The following KAT6B variants were observed in gnomAD, a reference collection of about 807,000 sequenced individuals.
KAT6B encodes histone acetyltransferase KAT6B.
KAT6B carries 10 observed loss-of-function variants against 187.5 expected under a neutral mutation model. The ratio of observed to expected loss-of-function variants is 0.05; its 90% CI spans 0.03 to 0.09. The LOEUF is 0.09. Among genes scored for constraint, KAT6B ranks in the 10% least tolerant of loss-of-function variants. The pLI, the probability that KAT6B is intolerant of heterozygous loss-of-function variation, is 1.00. For missense variants in KAT6B, 1,952 were observed against 2,558.9 expected, an observed-to-expected ratio of 0.76 and a Z score of 5.12; for synonymous variants, 861 against 926.8, an observed-to-expected ratio of 0.93 and a Z score of 1.29.
At chr10:74,897,208 T>C (rs1405487349) in intron 3 of KAT6B, among the ~76,000 whole-genome samples, 1 of 152,170 alleles carries the variant, frequency 6.6e-6, no homozygotes, top group Non-Finnish European at 1.5e-5. Flanking sequence ...AAGTTTTTAT[T>C]ATAATCCTGA....
rs549588406 is a variant in KAT6B, at chr10:74,914,816, T to C, written c.622-45154T>C. Among the ~76,000 whole-genome samples, 52 of 152,196 alleles carry C rather than the reference T, an allele frequency of 3.4e-4. 1 individual carries two copies. In the South Asian group the frequency reaches 0.011, roughly 31 times the overall value. On this transcript the variant is annotated intron_variant, in intron 3 of 17. Coordinates refer to ENST00000287239, the MANE Select transcript of KAT6B (RefSeq NM_012330.4). ...TAAAAATCCCAGCTTTTTGGCTGGG[T>C]GCGGTGGCTTCATGCCTGTGATCCT...
chr10:74,855,593 G>C (rs910020713), intron 3 of KAT6B, among the ~76,000 whole-genome samples: 2 of 152,188 alleles, frequency 1.3e-5, no homozygotes, highest in Non-Finnish European at 2.9e-5. Flanking sequence ...GCAGAAAACA[G>C]GATCTGCTAG....
chr10:75,030,286 A>G lies in KAT6B; in HGVS notation c.5462A>G (p.Gln1821Arg). Residue 1821 changes from glutamine (Q) to arginine (R), a missense_variant, in exon 18 of 18, where the codon CAG becomes CGG. Coordinates refer to ENST00000287239, the MANE Select transcript of KAT6B (RefSeq NM_012330.4). This position sits in a 1 kb window ranked among gnomAD's most constrained non-coding sequence, Gnocchi z 4.8. ...GCCACCTTCAGCCTTGCCAAACTGC[A>G]GCAGTTAACTAATACACTTATTGAT... Reference protein sequence around the residue: ...PSATFSLAKLQQLTNTLIDHS... With the variant: ...PSATFSLAKLRQLTNTLIDHS... 1 of 1,614,254 alleles carries G rather than the reference A, an allele frequency of 6.2e-7. No homozygotes were observed. The highest frequency in any genetic ancestry group is 8.5e-7 in the Non-Finnish European group (1 of 1,180,036).
chr10:74,981,185 T>A (rs1161871176), intron 10 of KAT6B, among the ~76,000 whole-genome samples: 1 of 152,192 alleles, frequency 6.6e-6, no homozygotes, highest in Non-Finnish European at 1.5e-5. Flanking sequence ...AGGATATTTT[T>A]AAGGAAACAA....
intron 3 of KAT6B, among the ~76,000 whole-genome samples, chr10:74,885,734 CT>C (rs149580820): frequency 2.9e-3 from 394 of 135,398 alleles, no homozygotes; most frequent in Admixed American, 3.1e-3. Flanking sequence ...AGGAGAAGTT[CT>C]TTTTTTTTTT....
At chr10:74,842,327 C>T (rs1429044010) in intron 2 of KAT6B, among the ~76,000 whole-genome samples, 2 of 152,020 alleles carry the variant, frequency 1.3e-5, no homozygotes, top group Non-Finnish European at 2.9e-5. Context: ...TTGTTAATTT[C>T]AATAAATATA....
chr10:74,953,464 T>C (rs1840457415), intron 3 of KAT6B, among the ~76,000 whole-genome samples: 1 of 152,246 alleles, frequency 6.6e-6, no homozygotes, highest in African/African-American at 2.4e-5. Flanking sequence ...CAGACACTAT[T>C]GTGCACTTTT....
At chr10:74,998,548 A>G (rs899224232) in intron 13 of KAT6B, among the ~76,000 whole-genome samples, 1 of 152,202 alleles carries the variant, frequency 6.6e-6, no homozygotes, top group African/African-American at 2.4e-5. Flanking sequence ...ACTAAAACAG[A>G]CTTGATATTT....
At position 74,828,562 on chromosome 10, in the gene KAT6B, CTTTTTTTTTTT is replaced by C. The variant is rs1160950109; in HGVS notation, c.-329+1790_-329+1800del. 1.1e-4 allele frequency among the ~76,000 whole-genome samples: 10 copies of C among 94,790 alleles called. No homozygotes were observed. The East Asian group carries it at 2.2e-3, about 21-fold the overall frequency. The allele number at this position is 94,790 out of a possible 152,430, so 62.2% of individuals were successfully genotyped here. ...TCCATTTTTTTCTTACTCATAAGTT[CTTTTTTTTTTT>C]TTTTTTTTTTTTGAGACGGAGTCTC... is the stretch of plus-strand genomic sequence containing the variant. On this transcript the variant is annotated intron_variant, in intron 1 of 17. Transcript: ENST00000287239.
At chr10:74,930,111 T>C (rs1203377063) in intron 3 of KAT6B, among the ~76,000 whole-genome samples, 1 of 151,970 alleles carries the variant, frequency 6.6e-6, no homozygotes, top group Non-Finnish European at 1.5e-5. Context: ...TTAGTAGAGA[T>C]GGGGTTTCAC....
rs1840986523 is a variant in KAT6B at position 74,959,996 on chromosome 10, T to C, written c.648T>C (p.Cys216=). The C allele has an allele frequency of 3.7e-6, 6 of 1,612,778 alleles. No homozygotes were observed. The East Asian group carries it at 1.3e-4, about 36-fold the overall frequency. ...DQPRADPIPI[C]SFCLGTKESN... ...CCCGTGCTGATCCCATTCCAATATG[T>C]AGCTTCTGTTTGGGGACTAAAGAAT... Residue 216 remains cysteine (C), a synonymous_variant, in exon 4 of 18, where the codon TGT becomes TGC. Transcript: ENST00000287239.
At chr10:75,024,850 C>G (rs184214254) in intron 16 of KAT6B, 108 bp from the exon 17 acceptor site, 96 of 1,019,216 alleles carry the variant, frequency 9.4e-5, no homozygotes, top group Non-Finnish European at 1.3e-4. Context: ...ACAGAAGTCA[C>G]CACGTGTAAG....
At chr10:74,875,316 A>G (rs1844332666) in intron 3 of KAT6B, among the ~76,000 whole-genome samples, 1 of 152,140 alleles carries the variant, frequency 6.6e-6, no homozygotes, top group Admixed American at 6.5e-5. Context: ...TGTCATCTGT[A>G]TGTGTAATGT....
At chr10:74,989,443 C>G (rs774002091) in intron 13 of KAT6B, among the ~76,000 whole-genome samples, 2 of 152,206 alleles carry the variant, frequency 1.3e-5, no homozygotes, top group African/African-American at 4.8e-5. Context: ...GTGATTAAAG[C>G]TAAAGGAAGT....
At chr10:74,936,580 G>A (rs1026488764) in intron 3 of KAT6B, among the ~76,000 whole-genome samples, 10 of 152,102 alleles carry the variant, frequency 6.6e-5, no homozygotes, top group African/African-American at 2.4e-4. Flanking sequence ...ATTGACCAGG[G>A]ATGAGTGAGA....
In KAT6B at chr10:74,843,319, G is replaced by T; in HGVS notation, c.462G>T (p.Leu154=). The change falls in exon 3 of 18, where the codon CTG becomes CTT. Residue 154 remains leucine (L), a synonymous_variant. Coordinates refer to ENST00000287239, the MANE Select transcript of KAT6B (RefSeq NM_012330.4). The part of the protein sequence containing the change: ...NNPAFQQRLR[L]GAKRAVNNGR... The stretch of plus-strand genomic sequence containing the variant: ...CAGCCTTTCAGCAGCGGCTGCGACT[G>T]GGGGCCAAACGCGCTGTGAATAATG... 1 of 1,613,574 alleles carries T rather than the reference G, an allele frequency of 6.2e-7. No individual in the cohort carries two copies. The highest frequency in any genetic ancestry group is 8.5e-7 in the Non-Finnish European group (1 of 1,179,760).
chr10:74,909,854 G>A lies in KAT6B; in HGVS notation c.622-50116G>A, dbSNP rs188144340. ...GGTAAGCAGAGTGCCCAGTTTCCAT[G>A]CCCCACCCCAAACCATTTAGATTTC... On this transcript the variant is annotated intron_variant, in intron 3 of 17. Coordinates refer to ENST00000287239, the MANE Select transcript of KAT6B (RefSeq NM_012330.4). 2.4e-3 allele frequency among the ~76,000 whole-genome samples: 369 copies of A among 152,112 alleles called. 4 individuals are homozygous for A. Among genetic ancestry groups the A allele is most frequent in the African/African-American group, 8.6e-3 (356 of 41,498 alleles).
At chr10:74,945,007 CA>C (rs1228444186) in intron 3 of KAT6B, among the ~76,000 whole-genome samples, 1 of 152,074 alleles carries the variant, frequency 6.6e-6, no homozygotes, top group African/African-American at 2.4e-5. Context: ...GTATGCCTAG[CA>C]GTTCCACTCC....
intron 3 of KAT6B, among the ~76,000 whole-genome samples, chr10:74,891,964 A>C (rs969163030): frequency 6.6e-6 from 1 of 152,166 alleles, no homozygotes; most frequent in Admixed American, 6.5e-5. Flanking sequence ...GCAGAGTTCA[A>C]ATGGGCATTT....
Sources: gnomAD v4.1 joint callset for allele counts (sites outside exome capture counted in the v4.1 genomes callset) on GRCh38, gnomAD v4.1.1 for gene constraint, Gnocchi (gnomAD v3.1) non-coding constraint, MANE v1.5 for transcripts, NCBI Gene and HGNC (gene_info 2026-07-23, HGNC 2026-07-21) for gene names.